The following PARP12 variants were observed in gnomAD, a reference collection of about 807,000 sequenced individuals.
The protein encoded by PARP12 is poly(ADP-ribose) polymerase family member 12.
PARP12 carries 59 observed loss-of-function variants against 72.4 expected under a neutral mutation model. That is an observed-to-expected ratio of 0.81 (90% CI 0.66 to 1.01). PARP12 has a LOEUF of 1.01. Among genes scored for constraint, PARP12 ranks in the 50% least tolerant of loss-of-function variants. The pLI, the probability that PARP12 is intolerant of heterozygous loss-of-function variation, is 0.00. For synonymous variants in PARP12, 403 were observed against 371.4 expected, an observed-to-expected ratio of 1.09 and a Z score of -0.98; for missense variants, 851 against 914.0, an observed-to-expected ratio of 0.93 and a Z score of 0.89.
intron 6 of PARP12, chr7:140,041,286 C>T (rs779546158): frequency 5.8e-4 from 106 of 182,128 alleles, no homozygotes; most frequent in Non-Finnish European, 7.8e-4. Context: ...ATCACAGCTA[C>T]ACAAACACAC....
In PARP12 at chr7:140,054,646, G is replaced by A. The variant is rs544044366; in HGVS notation, c.862+16C>T. On this transcript the variant is annotated intron_variant, in intron 4 of 11. Coordinates refer to ENST00000263549, the MANE Select transcript of PARP12 (RefSeq NM_022750.4). Reference sequence around the variant, plus strand: ...CCCCTCCCACAAGTGGAATGAAGGAGCCTCTTCCAACTTACCTTGAAAGCT... The same window carrying A: ...CCCCTCCCACAAGTGGAATGAAGGAACCTCTTCCAACTTACCTTGAAAGCT... The A allele has an allele frequency of 6.3e-7, 1 of 1,577,862 alleles. No individual in the cohort carries two copies. Among genetic ancestry groups the A allele is most frequent in the Admixed American group, 1.7e-5 (1 of 59,960 alleles).
At chr7:140,040,402 G>A (rs1357026569) in intron 6 of PARP12, among the ~76,000 whole-genome samples, 1 of 152,160 alleles carries the variant, frequency 6.6e-6, no homozygotes, top group East Asian at 1.9e-4. Flanking sequence ...CTGGCAAGAG[G>A]GGAGCAGGGG....
chr7:140,041,832 A>C lies in PARP12; in HGVS notation c.994T>G (p.Cys332Gly). The change falls in exon 6 of 12, where the codon TGC becomes GGC. Residue 332 changes from cysteine to glycine, a missense_variant. Physicochemically the swap from Cys to Gly is radical, Grantham distance 159 (BLOSUM62 -3). This residue lies in a region of PARP12 where 492 missense variants were observed against 489.3 expected (regional missense o/e 1.01). Coordinates refer to ENST00000263549, the MANE Select transcript of PARP12 (RefSeq NM_022750.4). ...TGAAAGGTACTGGCTGACTCAGAGC[A>C]CAGGATCCTACAGAAGAAAAACAGC... ...YCNPKIERILCSESASTFHSH... is the reference protein window; with the variant it reads ...YCNPKIERILGSESASTFHSH... The C allele has an allele frequency of 6.2e-7, 1 of 1,610,432 alleles. No individual in the cohort carries two copies. Among genetic ancestry groups the C allele is most frequent in the South Asian group, 1.1e-5 (1 of 90,766 alleles).
chr7:140,032,355 A>G (rs1425099314), intron 8 of PARP12, among the ~76,000 whole-genome samples: 1 of 152,016 alleles, frequency 6.6e-6, no homozygotes, highest in Non-Finnish European at 1.5e-5. Context: ...TAATTAAAAA[A>G]AAAAAGAGAC....
chr7:140,053,142 T>C (rs907660984), intron 4 of PARP12, among the ~76,000 whole-genome samples: 6 of 152,172 alleles, frequency 3.9e-5, no homozygotes, highest in Non-Finnish European at 8.8e-5. Flanking sequence ...AACTTATACA[T>C]AAATATTTAT....
rs967549029 is a variant in PARP12 at position 140,027,151 on chromosome 7, C to T, written c.1628+125G>A. The T allele has an allele frequency of 8.9e-5, 118 of 1,324,612 alleles. No homozygotes were observed. The East Asian group carries it at 2.8e-3, about 31-fold the overall frequency. The allele number at this position is 1,324,612 out of a possible 1,614,324, so 82.1% of individuals were successfully genotyped here. On this transcript the variant is annotated intron_variant, in intron 10 of 11. Transcript: ENST00000263549. ...CGGACGAAGGAGAGCAGACACACAG[C>T]TCCCAGCACATGGCAGCCCTAACTG...
intron 3 of PARP12, 94 bp downstream of exon 3, chr7:140,056,762 C>T: frequency 1.5e-6 from 2 of 1,332,396 alleles, no homozygotes; most frequent in Non-Finnish European, 2.1e-6. Flanking sequence ...CCCAAAGTCA[C>T]ACATTCCATG....
intron 6 of PARP12, 32 bp from the exon 7 acceptor site, chr7:140,037,888 C>G: frequency 6.3e-7 from 1 of 1,589,364 alleles, no homozygotes; most frequent in South Asian, 1.1e-5. Flanking sequence ...TTTATGAAGG[C>G]AAGAAACTGC....
chr7:140,046,873 A>G lies in PARP12; in HGVS notation c.986+11T>C, dbSNP rs375188667. The G allele has an allele frequency of 1.8e-4, 290 of 1,612,242 alleles. No homozygotes were observed. The Middle Eastern group carries it at 2.5e-3, about 14-fold the overall frequency. ...CAGGCACAAAGCAGAGACAAGGGACATATTTCCTACCTTTCTATTTTGGGA... is the reference window on the plus strand; with the variant it reads ...CAGGCACAAAGCAGAGACAAGGGACGTATTTCCTACCTTTCTATTTTGGGA... On this transcript the variant is annotated intron_variant, in intron 5 of 11. Transcript: ENST00000263549.
intron 5 of PARP12, among the ~76,000 whole-genome samples, chr7:140,042,188 T>C (rs1223883510): frequency 2.6e-5 from 4 of 152,228 alleles, no homozygotes; most frequent in Non-Finnish European, 5.9e-5. Context: ...GAGTGTTTAC[T>C]GTGTGAGCCA....
At chr7:140,033,548 T>C (rs540666534) in intron 8 of PARP12, 2 of 985,414 alleles carry the variant, frequency 2.0e-6, no homozygotes, top group African/African-American at 1.7e-5. Flanking sequence ...TGTGGCTGTG[T>C]GGTTTGGAGA....
At chr7:140,033,677 T>G (rs924795511) in intron 8 of PARP12, 1 of 985,342 alleles carries the variant, frequency 1.0e-6, no homozygotes, top group Non-Finnish European at 1.2e-6. Context: ...TCATCTGCTA[T>G]AGGAGGTTTC....
chr7:140,062,843 G>A lies in PARP12; in HGVS notation c.5C>T (p.Ala2Val). The part of the protein sequence containing the change: M[A>V]QAGVVGEVTQ... Reference sequence around the variant, plus strand: ...GACCTCACCGACGACGCCGGCCTGGGCCATGGCCGCTGGGCCTGCTCCCGT... The same window carrying A: ...GACCTCACCGACGACGCCGGCCTGGACCATGGCCGCTGGGCCTGCTCCCGT... The change falls in exon 1 of 12, where the codon GCC becomes GTC. Residue 2 changes from alanine to valine, a missense_variant. By Grantham distance (64) the Ala-to-Val change is moderately conservative. This residue lies in a region of PARP12 where 492 missense variants were observed against 489.3 expected (regional missense o/e 1.01). Coordinates refer to ENST00000263549, the MANE Select transcript of PARP12 (RefSeq NM_022750.4). 1 of 1,366,814 alleles carries A rather than the reference G, an allele frequency of 7.3e-7. No individual in the cohort carries two copies. 84.7% of individuals were successfully genotyped at this position (1,366,814 alleles called of 1,614,324 possible). A position where few individuals can be genotyped will look rare whatever the true frequency, so the allele number is the denominator to read the frequency against.
chr7:140,052,466 T>A (rs1245373926), intron 4 of PARP12, among the ~76,000 whole-genome samples: 1 of 152,208 alleles, frequency 6.6e-6, no homozygotes, highest in Non-Finnish European at 1.5e-5. Flanking sequence ...AACTTTTTTG[T>A]AAAGCATCAA....
In PARP12 at chr7:140,027,231, G is replaced by A. The variant is rs148258760; in HGVS notation, c.1628+45C>T. ...ACATGTGGCAACCAGCCAGTGGTGT[G>A]AAGGGACAGAGTCACCAGCCCACCA... On this transcript the variant is annotated intron_variant, in intron 10 of 11. Transcript: ENST00000263549. The A allele has an allele frequency of 4.0e-4, 634 of 1,599,220 alleles. 3 individuals are homozygous for A. The African/African-American group carries it at 4.2e-3, about 11-fold the overall frequency.
At chr7:140,047,541 C>CA (rs1183007220) in intron 4 of PARP12, among the ~76,000 whole-genome samples, 1 of 152,144 alleles carries the variant, frequency 6.6e-6, no homozygotes, top group African/African-American at 2.4e-5. Context: ...ATAAATTATC[C>CA]AGTTTCAGGT....
chr7:140,045,980 T>G (rs1816702230), intron 5 of PARP12, among the ~76,000 whole-genome samples: 3 of 151,698 alleles, frequency 2.0e-5, no homozygotes, highest in South Asian at 4.1e-4. Flanking sequence ...GTCAGAACGG[T>G]GGTGAACGAT....
chr7:140,028,242 C>T (rs1179821003), intron 9 of PARP12, among the ~76,000 whole-genome samples: 1 of 152,166 alleles, frequency 6.6e-6, no homozygotes, highest in Non-Finnish European at 1.5e-5. Context: ...AACCCCATTC[C>T]AAATGTCCAT....
At chr7:140,027,060 T>A (rs750328761) in intron 10 of PARP12, among the ~76,000 whole-genome samples, 27 of 152,182 alleles carry the variant, frequency 1.8e-4, no homozygotes, top group Non-Finnish European at 3.8e-4. Context: ...CCAGGTGGTA[T>A]GCTCCAGGAA....
Sources: allele counts gnomAD v4.1 joint callset (sites outside exome capture counted in the v4.1 genomes callset), GRCh38; gene constraint gnomAD v4.1.1; regional missense constraint gnomAD v4.1.1; transcripts MANE v1.5; gene names NCBI Gene and HGNC (gene_info 2026-07-23, HGNC 2026-07-21).